Variants in FHIP1A observed in about 807,000 individuals in gnomAD.
FHIP1A encodes the protein FHF complex subunit HOOK-interacting protein 1A.
FHIP1A carries 61 observed loss-of-function variants against 88.6 expected under a neutral mutation model. That is an observed-to-expected ratio of 0.69 (90% CI 0.56 to 0.85). The LOEUF (loss-of-function observed/expected upper bound fraction) is 0.85, where lower values mean the gene tolerates loss of function less well. FHIP1A is among the 40% of genes least tolerant of loss of function. The probability of loss-of-function intolerance (pLI) is 0.00; values close to 1 mark genes in which losing one functional copy is unlikely to be tolerated. For synonymous variants in FHIP1A, 478 were observed against 496.0 expected, an observed-to-expected ratio of 0.96 and a Z score of 0.48; for missense variants, 1,154 against 1,273.5, an observed-to-expected ratio of 0.91 and a Z score of 1.43.
At chr4:151,559,961 T>C (rs183479151) in intron 3 of FHIP1A, among the ~76,000 whole-genome samples, 41 of 152,322 alleles carry the variant, frequency 2.7e-4, no homozygotes, top group Admixed American at 1.4e-3. Flanking sequence ...GCTATTAGCC[T>C]GTTTTGGGAC....
At chr4:151,446,444 T>C (rs1728602403) in intron 1 of FHIP1A, among the ~76,000 whole-genome samples, 1 of 150,854 alleles carries the variant, frequency 6.6e-6, no homozygotes, top group African/African-American at 2.4e-5. Flanking sequence ...ATGGGATTTC[T>C]TTCTTCCTTT....
intron 6 of FHIP1A, among the ~76,000 whole-genome samples, chr4:151,587,439 T>C (rs1414921344): frequency 6.6e-6 from 1 of 152,076 alleles, no homozygotes; most frequent in African/African-American, 2.4e-5. Flanking sequence ...AAAAATATTT[T>C]AGTTCCATAT....
chr4:151,465,532 C>T (rs1561507422), intron 2 of FHIP1A, among the ~76,000 whole-genome samples: 1 of 152,156 alleles, frequency 6.6e-6, no homozygotes, highest in Non-Finnish European at 1.5e-5. Context: ...ATGAGGCCAG[C>T]GTCATCCTGA....
chr4:151,612,334 A>G (rs1298826314), intron 7 of FHIP1A, among the ~76,000 whole-genome samples: 1 of 152,198 alleles, frequency 6.6e-6, no homozygotes. Flanking sequence ...CTTCCTCTCA[A>G]GGATCCTGTG....
rs1279843839 is a variant in FHIP1A, at chr4:151,669,804, G to C, written c.*7050G>C. On this transcript the variant is annotated 3_prime_UTR_variant, in exon 14 of 14. Transcript: ENST00000435205. ...TTTTTTTAAAAAGCCACCTCCTCAT[G>C]CCTGTCCAAAATGAACCACGCAACT... 2 of 152,086 alleles carry C rather than the reference G, an allele frequency of 1.3e-5. No homozygotes were observed. The highest frequency in any genetic ancestry group is 4.8e-5 in the African/African-American group (2 of 41,398). 9.4% of individuals were successfully genotyped at this position (152,086 alleles called of 1,614,324 possible).
At chr4:151,413,438 G>A (rs1016541723) in intron 1 of FHIP1A, among the ~76,000 whole-genome samples, 1 of 152,102 alleles carries the variant, frequency 6.6e-6, no homozygotes, top group African/African-American at 2.4e-5. Context: ...TACTGTGTAC[G>A]TATGTATTAC....
intron 3 of FHIP1A, among the ~76,000 whole-genome samples, chr4:151,500,298 T>C (rs1411282607): frequency 6.6e-6 from 1 of 152,144 alleles, no homozygotes; most frequent in African/African-American, 2.4e-5. Context: ...ACCATTTAGG[T>C]GTCCTGGCAA....
chr4:151,637,717 C>G (rs1433827035), intron 8 of FHIP1A, among the ~76,000 whole-genome samples: 1 of 152,134 alleles, frequency 6.6e-6, no homozygotes, highest in Non-Finnish European at 1.5e-5. Context: ...CAGGAAAAGG[C>G]ATTGCATTTA....
intron 3 of FHIP1A, among the ~76,000 whole-genome samples, chr4:151,545,403 A>G (rs1404283557): frequency 3.8e-5 from 4 of 105,348 alleles, no homozygotes; most frequent in African/African-American, 9.0e-5. Flanking sequence ...TTTGAGACAG[A>G]GTCTCGCTCT....
rs377620514 is a variant in FHIP1A, at chr4:151,507,205, C to A, written c.-123+24557C>A. Reference sequence around the variant, plus strand: ...GTGGCATGACCACAGCTCACTGCAGCCTTGATCTCCCAGGCTCAAGTGATC... The same window carrying A: ...GTGGCATGACCACAGCTCACTGCAGACTTGATCTCCCAGGCTCAAGTGATC... On this transcript the variant is annotated intron_variant, in intron 3 of 13. Transcript: ENST00000435205. 5.9e-5 allele frequency among the ~76,000 whole-genome samples: 9 copies of A among 152,258 alleles called. No individual in the cohort carries two copies. In the East Asian group the frequency reaches 1.7e-3, roughly 29 times the overall value.
intron 3 of FHIP1A, among the ~76,000 whole-genome samples, chr4:151,561,200 T>C (rs1733158930): frequency 6.6e-6 from 1 of 152,306 alleles, no homozygotes; most frequent in East Asian, 1.9e-4. Flanking sequence ...TTTGTGCACA[T>C]TTTGTGTGTT....
intron 3 of FHIP1A, among the ~76,000 whole-genome samples, chr4:151,539,841 A>C (rs976712171): frequency 7.2e-5 from 11 of 152,236 alleles, no homozygotes; most frequent in African/African-American, 2.7e-4. Context: ...GAAATTGTTT[A>C]TTTTGATGAA....
In FHIP1A at chr4:151,430,570, T is replaced by C. The variant is rs79099664; in HGVS notation, c.-356+21105T>C. ...TACTGTGTGTTATACCTTTCTCCAA[T>C]AGCTTAAATTGGCATTGATTTTAAG... On this transcript the variant is annotated intron_variant, in intron 1 of 13. Transcript: ENST00000435205. Among the ~76,000 whole-genome samples, 97 of 152,368 alleles carry C rather than the reference T, an allele frequency of 6.4e-4. 2 individuals are homozygous for C. The East Asian group carries it at 0.018, about 28-fold the overall frequency.
At chr4:151,569,750 C>A (rs1212673116) in intron 4 of FHIP1A, among the ~76,000 whole-genome samples, 1 of 152,120 alleles carries the variant, frequency 6.6e-6, no homozygotes, top group Non-Finnish European at 1.5e-5. Flanking sequence ...CCCACTTATA[C>A]CTTAGAGCCT....
chr4:151,516,970 A>G (rs1731263419), intron 3 of FHIP1A, among the ~76,000 whole-genome samples: 1 of 152,196 alleles, frequency 6.6e-6, no homozygotes, highest in South Asian at 2.1e-4. Context: ...CCAAAGGACT[A>G]TAAATCATGC....
intron 4 of FHIP1A, among the ~76,000 whole-genome samples, chr4:151,572,065 G>C (rs1733622290): frequency 6.6e-6 from 1 of 152,208 alleles, no homozygotes; most frequent in Non-Finnish European, 1.5e-5. Flanking sequence ...AAGTTAGCCA[G>C]GTGTGGTGGC....
chr4:151,547,740 G>A lies in FHIP1A; in HGVS notation c.-122-18398G>A, dbSNP rs9884486. Among the ~76,000 whole-genome samples the A allele has an allele frequency of 9.0e-3, 1,373 of 151,852 alleles. 75 individuals carry two copies. Among genetic ancestry groups the A allele is most frequent in the Admixed American group, 0.074 (1,134 of 15,248 alleles). On this transcript the variant is annotated intron_variant, in intron 3 of 13. Coordinates refer to ENST00000435205, the MANE Select transcript of FHIP1A (RefSeq NM_001109977.3). ...ACCAGCCTGGCCAACATGGCGAAAC[G>A]CTGTCTCTACCAAAAACATAAAAAT...
intron 5 of FHIP1A, among the ~76,000 whole-genome samples, chr4:151,584,413 A>G (rs1026697034): frequency 6.6e-6 from 1 of 152,216 alleles, no homozygotes; most frequent in African/African-American, 2.4e-5. Context: ...GGAAGGCAAC[A>G]ATAGGTCTAC....
At position 151,646,550 on chromosome 4, in the gene FHIP1A, C is replaced by G; in HGVS notation, c.1227-8C>G. On this transcript the variant is annotated splice_polypyrimidine_tract_variant and splice_region_variant and intron_variant, in intron 9 of 13. Transcript: ENST00000435205. ...GAGACCAAACGCTTGTTCTTTTTGT[C>G]ATTCTAGGTATCTGATCCCCTGCAA... 6.5e-7 allele frequency: 1 copy of G among 1,547,402 alleles called. No homozygotes were observed. The highest frequency in any genetic ancestry group is 1.2e-5 in the South Asian group (1 of 83,896).
Sources: gnomAD v4.1 joint callset for allele counts (sites outside exome capture counted in the v4.1 genomes callset) on GRCh38, gnomAD v4.1.1 for gene constraint, MANE v1.5 for transcripts, NCBI Gene and HGNC (gene_info 2026-07-23, HGNC 2026-07-21) for gene names.